The following DPH6 variants were observed in gnomAD, a reference collection of about 807,000 sequenced individuals.
DPH6 encodes diphthine--ammonia ligase.
A neutral mutation model predicts 38.2 loss-of-function variants in DPH6; 33 were observed. The ratio of observed to expected loss-of-function variants is 0.86; its 90% CI spans 0.65 to 1.15. DPH6 has a LOEUF of 1.15. Ranked by LOEUF, DPH6 falls within the 50% of genes most tolerant of loss-of-function variation. The pLI is 0.00. For missense variants in DPH6, 325 were observed against 320.0 expected (o/e 1.02, Z -0.12); for synonymous variants, 108 against 103.0 (o/e 1.05, Z -0.30).
At chr15:35,313,572 C>T (rs1016761989) in intron 3 of DPH6, among the ~76,000 whole-genome samples, 4 of 151,496 alleles carry the variant, frequency 2.6e-5, no homozygotes, top group Admixed American at 1.3e-4. Context: ...AAATTGATTC[C>T]TAGGTATTAT....
chr15:35,260,018 T>A (rs2051735640), intron 3 of DPH6, among the ~76,000 whole-genome samples: 1 of 152,170 alleles, frequency 6.6e-6, no homozygotes, highest in South Asian at 2.1e-4. Flanking sequence ...ACCCCAATAA[T>A]CTTTGGGATA....
chr15:35,251,563 C>A (rs2051674250), intron 3 of DPH6, among the ~76,000 whole-genome samples: 1 of 152,202 alleles, frequency 6.6e-6, no homozygotes, highest in Non-Finnish European at 1.5e-5. Context: ...GGCTCCAATC[C>A]ACCACACCTG....
At chr15:35,285,869 T>A (rs1340144632) in intron 3 of DPH6, among the ~76,000 whole-genome samples, 1 of 132,100 alleles carries the variant, frequency 7.6e-6, no homozygotes, top group Admixed American at 8.4e-5. Flanking sequence ...ATTTTATCTT[T>A]GAGTTTTTTT....
intron 3 of DPH6, among the ~76,000 whole-genome samples, chr15:35,507,259 G>C (rs2054706813): frequency 6.6e-6 from 1 of 151,954 alleles, no homozygotes; most frequent in Non-Finnish European, 1.5e-5. Context: ...TCATTCTAAA[G>C]ATGAATATAC....
intron 3 of DPH6, among the ~76,000 whole-genome samples, chr15:35,354,340 A>G (rs371541732): frequency 4.6e-5 from 7 of 151,990 alleles, no homozygotes; most frequent in South Asian, 4.2e-4. Context: ...GGTGAGAGAG[A>G]GCATCCCTGT....
intron 3 of DPH6, among the ~76,000 whole-genome samples, chr15:35,259,869 G>A (rs2051734535): frequency 6.6e-6 from 1 of 152,198 alleles, no homozygotes; most frequent in Non-Finnish European, 1.5e-5. Flanking sequence ...AAGAAGCAGA[G>A]AGGGAGTCAC....
At chr15:35,315,811 G>A (rs756992008) in intron 3 of DPH6, among the ~76,000 whole-genome samples, 1 of 152,100 alleles carries the variant, frequency 6.6e-6, no homozygotes, top group Non-Finnish European at 1.5e-5. Flanking sequence ...ACAGATGAAC[G>A]GATAAAGAAA....
intron 5 of DPH6, among the ~76,000 whole-genome samples, chr15:35,436,318 T>C (rs935266351): frequency 6.6e-6 from 1 of 150,760 alleles, no homozygotes; most frequent in Non-Finnish European, 1.5e-5. Flanking sequence ...TACAAAAAAT[T>C]AGCTGGGCGT....
chr15:35,269,841 A>AGT (rs1449088463), intron 3 of DPH6, among the ~76,000 whole-genome samples: 1 of 123,048 alleles, frequency 8.1e-6, no homozygotes, highest in Non-Finnish European at 1.6e-5. Context: ...CCCAGGCTGG[A>AGT]GTGCAGTGGC....
chr15:35,330,180 CTTCT>C (rs2140859724), downstream of DPH6, among the ~76,000 whole-genome samples: 1 of 152,214 alleles, frequency 6.6e-6, no homozygotes, highest in Admixed American at 6.6e-5. Context: ...AATGCTAAAG[CTTCT>C]TTATCATTCC....
At chr15:35,343,878 T>A (rs1443860139) in intron 3 of DPH6, among the ~76,000 whole-genome samples, 2 of 151,968 alleles carry the variant, frequency 1.3e-5, no homozygotes, top group East Asian at 3.9e-4. Flanking sequence ...TATCTAACAT[T>A]TGTTTCACAT....
the DPH6 span, among the ~76,000 whole-genome samples, chr15:35,199,942 T>C: frequency 1.5e-3 from 226 of 152,194 alleles, 1 homozygote; most frequent in African/African-American, 4.9e-3. Context: ...TTTCTATTAA[T>C]GCAAAATGGC....
In DPH6 at chr15:35,261,725, T is replaced by C. The variant is rs8029504; in HGVS notation, n.201-41143A>G. 7.0e-3 allele frequency among the ~76,000 whole-genome samples: 1,062 copies of C among 151,982 alleles called. 16 individuals carry two copies. Among genetic ancestry groups the C allele is most frequent in the African/African-American group, 0.024 (990 of 41,444 alleles). On this transcript the variant is annotated intron_variant and non_coding_transcript_variant, in intron 3 of 3. Coordinates refer to the DPH6 transcript ENST00000560386. ...GCGTATGCTTGTAGTCTCAGCTACT[T>C]GAGAGGCGAAGGTGGAAGGATGGCT...
chr15:35,247,192 TA>T (rs371694211), intron 3 of DPH6, among the ~76,000 whole-genome samples: 9 of 152,334 alleles, frequency 5.9e-5, no homozygotes, highest in African/African-American at 2.2e-4. Context: ...GTCTGACTTT[TA>T]TAGCATCTTT....
chr15:35,316,865 T>C (rs2052193608), intron 3 of DPH6, among the ~76,000 whole-genome samples: 1 of 152,174 alleles, frequency 6.6e-6, no homozygotes, highest in Non-Finnish European at 1.5e-5. Flanking sequence ...GTAAGAATTA[T>C]GGTTGACTTC....
chr15:35,419,533 T>C (rs984593978), intron 5 of DPH6, among the ~76,000 whole-genome samples: 2 of 152,038 alleles, frequency 1.3e-5, no homozygotes, highest in Non-Finnish European at 2.9e-5. Flanking sequence ...AGCACCAAAC[T>C]ATATGCTGCC....
At chr15:35,316,246 A>G (rs1032287921) in intron 3 of DPH6, among the ~76,000 whole-genome samples, 22 of 152,178 alleles carry the variant, frequency 1.4e-4, no homozygotes, top group African/African-American at 5.3e-4. Context: ...TTCCAAGTAT[A>G]CTGATTTGAT....
intron 6 of DPH6, among the ~76,000 whole-genome samples, chr15:35,387,159 C>T (rs1018738709): frequency 1.1e-4 from 17 of 152,000 alleles, no homozygotes; most frequent in African/African-American, 2.7e-4. Flanking sequence ...TGTAGACATG[C>T]GGCATTATAT....
chr15:35,505,188 A>C (rs1227940287), intron 3 of DPH6, among the ~76,000 whole-genome samples: 1 of 152,166 alleles, frequency 6.6e-6, no homozygotes, highest in Non-Finnish European at 1.5e-5. Flanking sequence ...TTCAGCTTCA[A>C]GTGTGGGAAG....
Sources: allele counts gnomAD v4.1 joint callset (sites outside exome capture counted in the v4.1 genomes callset), GRCh38; gene constraint gnomAD v4.1.1; transcripts MANE v1.5; gene names NCBI Gene and HGNC (gene_info 2026-07-23, HGNC 2026-07-21).